The following PCCA variants were observed in gnomAD, a reference collection of about 807,000 sequenced individuals.
The protein encoded by PCCA is propionyl-CoA carboxylase subunit alpha, also known as propionyl-CoA carboxylase alpha chain, mitochondrial.
PCCA carries 74 observed loss-of-function variants against 101.3 expected under a neutral mutation model. That is an observed-to-expected ratio of 0.73 (90% CI 0.61 to 0.89). The LOEUF (loss-of-function observed/expected upper bound fraction) is 0.89, where lower values mean the gene tolerates loss of function less well. Ranked by LOEUF, PCCA falls within the 40% of genes least tolerant of loss-of-function variation. PCCA has a pLI of 0.00. For synonymous variants in PCCA, 294 were observed against 313.6 expected, an observed-to-expected ratio of 0.94 and a Z score of 0.66; for missense variants, 891 against 907.0, an observed-to-expected ratio of 0.98 and a Z score of 0.23.
rs76943404 is a variant in PCCA, at chr13:100,468,270, C to T, written c.1899+18965C>T. On this transcript the variant is annotated intron_variant, in intron 21 of 23. Coordinates refer to ENST00000376285, the MANE Select transcript of PCCA (RefSeq NM_000282.4). ...GTAGACTTAGCATCATTCCTAAGGG[C>T]CCTGGGATTTTCAGAATGGTAAGTG... Among the ~76,000 whole-genome samples, 420 of 152,232 alleles carry T rather than the reference C, an allele frequency of 2.8e-3. 4 individuals are homozygous for T. Among genetic ancestry groups the T allele is most frequent in the African/African-American group, 9.8e-3 (405 of 41,528 alleles).
intron 6 of PCCA, among the ~76,000 whole-genome samples, chr13:100,189,708 A>G (rs1489904459): frequency 1.3e-5 from 2 of 152,186 alleles, no homozygotes; most frequent in South Asian, 2.1e-4. Context: ...TTAAAAAAAT[A>G]TATGTTGCCC....
At chr13:100,358,104 A>G (rs2074140939) in intron 18 of PCCA, among the ~76,000 whole-genome samples, 2 of 152,224 alleles carry the variant, frequency 1.3e-5, no homozygotes, top group African/African-American at 2.4e-5. Context: ...TGGAAGGACC[A>G]TGCCTTGGGA....
chr13:100,455,319 C>G (rs1244840294), intron 21 of PCCA, among the ~76,000 whole-genome samples: 2 of 152,210 alleles, frequency 1.3e-5, no homozygotes, highest in African/African-American at 4.8e-5. Flanking sequence ...CATTCTGTCA[C>G]TCATTCTCTC....
At chr13:100,353,843 C>T (rs1031344962) in intron 18 of PCCA, among the ~76,000 whole-genome samples, 5 of 151,892 alleles carry the variant, frequency 3.3e-5, no homozygotes, top group African/African-American at 1.2e-4. Flanking sequence ...GTCCTTGCTA[C>T]TTGGGAGGCT....
chr13:100,452,855 G>A (rs2081433271), intron 21 of PCCA, among the ~76,000 whole-genome samples: 2 of 152,072 alleles, frequency 1.3e-5, no homozygotes, highest in Admixed American at 1.3e-4. Context: ...GCAAATGAAT[G>A]ACTGAAATTG....
intron 7 of PCCA, among the ~76,000 whole-genome samples, chr13:100,210,476 T>C (rs1481581440): frequency 1.3e-5 from 2 of 152,218 alleles, no homozygotes; most frequent in East Asian, 3.8e-4. Context: ...TGTATATCTT[T>C]ATCTTGAGCT....
intron 1 of PCCA, among the ~76,000 whole-genome samples, chr13:100,099,307 T>C (rs2047054508): frequency 6.6e-6 from 1 of 151,318 alleles, no homozygotes; most frequent in South Asian, 2.1e-4. Context: ...AAGTAGGTGC[T>C]ATCTAATCTT....
At position 100,493,416 on chromosome 13, in the gene PCCA, G is replaced by A. The variant is rs185033166; in HGVS notation, c.1900-22011G>A. Among the ~76,000 whole-genome samples the A allele has an allele frequency of 3.3e-5, 5 of 152,310 alleles. No homozygotes were observed. The East Asian group carries it at 7.7e-4, about 24-fold the overall frequency. ...GGCCACTAGAATAGTCTCTTGTACA[G>A]CAACAGAGCCTCTTACTACAGTGAG... On this transcript the variant is annotated intron_variant, in intron 21 of 23. Coordinates refer to ENST00000376285, the MANE Select transcript of PCCA (RefSeq NM_000282.4).
At chr13:100,435,050 C>T (rs1039451415) in intron 20 of PCCA, among the ~76,000 whole-genome samples, 1 of 152,264 alleles carries the variant, frequency 6.6e-6, no homozygotes, top group Middle Eastern at 3.4e-3. Flanking sequence ...CCCTGTGATT[C>T]CATGAAAAGT....
intron 20 of PCCA, among the ~76,000 whole-genome samples, chr13:100,433,531 C>T (rs2079707894): frequency 6.6e-6 from 1 of 151,770 alleles, no homozygotes; most frequent in Non-Finnish European, 1.5e-5. Flanking sequence ...TTTATTTCAA[C>T]TTCTTTCCTT....
At chr13:100,168,334 A>G (rs1195368770) in intron 6 of PCCA, among the ~76,000 whole-genome samples, 1 of 152,228 alleles carries the variant, frequency 6.6e-6, no homozygotes, top group Non-Finnish European at 1.5e-5. Context: ...TCCCAATTAT[A>G]AATTCTGGAC....
intron 19 of PCCA, among the ~76,000 whole-genome samples, chr13:100,416,421 C>T (rs1231047271): frequency 6.6e-6 from 1 of 151,960 alleles, no homozygotes; most frequent in African/African-American, 2.4e-5. Flanking sequence ...ACCTCAAGTA[C>T]TCCGCCCGCC....
At chr13:100,496,743 G>A (rs77344656) in intron 21 of PCCA, among the ~76,000 whole-genome samples, 15,866 of 152,214 alleles carry the variant, frequency 0.1, 1,390 homozygotes, top group African/African-American at 0.24. Context: ...TTGGGAGCCA[G>A]TAAGTAGATG....
intron 22 of PCCA, among the ~76,000 whole-genome samples, chr13:100,525,029 A>ATAGATAGG (rs1179736932): frequency 1.3e-5 from 2 of 150,140 alleles, no homozygotes; most frequent in African/African-American, 2.5e-5. Flanking sequence ...AGATAGATAG[A>ATAGATAGG]CAGACAGACA....
At chr13:100,119,495 A>G (rs1224744528) in intron 4 of PCCA, among the ~76,000 whole-genome samples, 1 of 152,218 alleles carries the variant, frequency 6.6e-6, no homozygotes, top group Non-Finnish European at 1.5e-5. Context: ...TTTTTGGCAT[A>G]AAGATTGTCA....
At chr13:100,417,120 G>A (rs1312072020) in intron 19 of PCCA, among the ~76,000 whole-genome samples, 4 of 151,866 alleles carry the variant, frequency 2.6e-5, no homozygotes, top group Admixed American at 1.3e-4. Context: ...TGGGATTACA[G>A]GCGTGAGCCA....
intron 21 of PCCA, among the ~76,000 whole-genome samples, chr13:100,452,105 TTC>T (rs1421425352): frequency 4.8e-5 from 3 of 62,808 alleles, no homozygotes; most frequent in East Asian, 1.1e-3. Flanking sequence ...TCCTCTTCCT[TTC>T]TCTCTCTCCT....
rs559963411 is a variant in PCCA at position 100,214,435 on chromosome 13, T to TG, written c.600+4972_600+4973insG. 9.7e-4 allele frequency among the ~76,000 whole-genome samples: 144 copies of TG among 148,054 alleles called. 4 individuals are homozygous for TG. In the South Asian group the frequency reaches 0.028, roughly 28 times the overall value. ...TTTTTTTGTGTGTGTGTGTGTGTGT[T>TG]TTTTTTTTTAGATGGAACCTCGCTC... is the stretch of plus-strand genomic sequence containing the variant. On this transcript the variant is annotated intron_variant, in intron 7 of 23. Transcript: ENST00000376285.
chr13:100,328,404 A>AATAATAATG (rs904123736), intron 16 of PCCA, among the ~76,000 whole-genome samples: 75 of 144,780 alleles, frequency 5.2e-4, no homozygotes, highest in African/African-American at 1.8e-3. Flanking sequence ...TAATAATAAT[A>AATAATAATG]ATGATGATAA....
Sources: allele counts gnomAD v4.1 joint callset (sites outside exome capture counted in the v4.1 genomes callset), GRCh38; gene constraint gnomAD v4.1.1; transcripts MANE v1.5; gene names NCBI Gene and HGNC (gene_info 2026-07-23, HGNC 2026-07-21).